Variants in SLC49A3 observed in about 807,000 individuals in gnomAD.
The protein encoded by SLC49A3 is solute carrier family 49 member A3.
SLC49A3 carries 50 observed loss-of-function variants against 43.8 expected under a neutral mutation model. That is an observed-to-expected ratio of 1.14 (90% CI 0.91 to 1.45). The LOEUF is 1.45. Ranked by LOEUF, SLC49A3 falls within the 40% of genes most tolerant of loss-of-function variation. The probability of loss-of-function intolerance (pLI) is 0.00; values close to 1 mark genes in which losing one functional copy is unlikely to be tolerated. For missense variants in SLC49A3, 906 were observed against 774.1 expected (o/e 1.17, Z -2.02); for synonymous variants, 413 against 352.0 (o/e 1.17, Z -1.94).
chr4:677,824 G>A, downstream of SLC49A3: 2 of 785,186 alleles, frequency 2.5e-6, no homozygotes, highest in Non-Finnish European at 4.3e-6. Context: ...GGGCCTTGCG[G>A]GGTGAGGCAG....
rs369486914 is a variant in SLC49A3, at chr4:683,822, G to A, written c.841-61C>T. ...GCCACCATTATCCTAGGTGCATGCC[G>A]TCAGGGCAGGGGGCTCAGTGTAGGG... On this transcript the variant is annotated intron_variant, in intron 6 of 9. Coordinates refer to ENST00000322224, the MANE Select transcript of SLC49A3 (RefSeq NM_032219.4). 1.9e-3 allele frequency: 2,864 copies of A among 1,513,466 alleles called. 74 individuals carry two copies. In the South Asian group the frequency reaches 0.034, roughly 18 times the overall value. The allele number at this position is 1,513,466 out of a possible 1,614,324, so 93.8% of individuals were successfully genotyped here.
At chr4:678,335 C>T (rs1033416032), downstream of SLC49A3, 1 of 1,417,998 alleles carries the variant, frequency 7.1e-7, no homozygotes, top group Admixed American at 2.8e-5. Context: ...CAAGCCCACC[C>T]AGAGTCCACT....
At position 683,350 on chromosome 4, in the gene SLC49A3, T is replaced by A. The variant is rs1045271610; in HGVS notation, c.1011A>T (p.Gly337=). Residue 337 remains glycine (G), a synonymous_variant, in exon 8 of 10, where the codon GGA becomes GGT. Coordinates refer to ENST00000322224, the MANE Select transcript of SLC49A3 (RefSeq NM_032219.4). ...VPFALVSQLQ[G]QTLALAATCS... Reference sequence around the variant, plus strand: ...AGGTGGCAGCCAGGGCAAGGGTCTGTCCCTGCAGCTGGGACACCTGGGAGC... The same window carrying A: ...AGGTGGCAGCCAGGGCAAGGGTCTGACCCTGCAGCTGGGACACCTGGGAGC... 7.5e-6 allele frequency: 12 copies of A among 1,609,344 alleles called. No homozygotes were observed. Among genetic ancestry groups the A allele is most frequent in the Non-Finnish European group, 9.3e-6 (11 of 1,178,772 alleles).
chr4:682,085 G>A lies in SLC49A3; in HGVS notation c.1553C>T (p.Ala518Val), dbSNP rs759156680. 5 of 1,397,226 alleles carry A rather than the reference G, an allele frequency of 3.6e-6. No individual in the cohort carries two copies. Among genetic ancestry groups the A allele is most frequent in the Admixed American group, 5.6e-5 (2 of 35,476 alleles). The allele number at this position is 1,397,226 out of a possible 1,614,324, so 86.6% of individuals were successfully genotyped here. ...CGCGTCGGTGGCTGCTGGGCCTTGC[G>A]CACGGGGAGTCGCTCGGTGGCAGGC... is the stretch of plus-strand genomic sequence containing the variant. ...HPACHRATPR[A>V]QGPAATDAPS... Residue 518 changes from alanine to valine, a missense_variant, in exon 10 of 10, where the codon GCG becomes GTG. Transcript: ENST00000322224.
At chr4:677,062 G>T, downstream of SLC49A3, 1 of 346,674 alleles carries the variant, frequency 2.9e-6, no homozygotes, top group South Asian at 1.2e-4. Flanking sequence ...CCCACCTGCT[G>T]TTGTGGCTGC....
chr4:688,122 C>G (rs1171401268), intron 1 of SLC49A3: 1 of 152,458 alleles, frequency 6.6e-6, no homozygotes, highest in African/African-American at 2.4e-5. Context: ...CCACCCAAAG[C>G]CAGTTATGGC....
At chr4:680,652 A>C, downstream of SLC49A3, 2 of 1,518,874 alleles carry the variant, frequency 1.3e-6, no homozygotes, top group Admixed American at 1.8e-5. Flanking sequence ...ATCCTGTCCC[A>C]AAAGGGACAG....
In SLC49A3 at chr4:683,213, A is replaced by C; in HGVS notation, c.1148T>G (p.Leu383Arg). 1 of 1,612,758 alleles carries C rather than the reference A, an allele frequency of 6.2e-7. No homozygotes were observed. Residue 383 changes from leucine to arginine, a missense_variant, in exon 8 of 10, where the codon CTG (leucine) becomes CGG (arginine). Transcript: ENST00000322224. ...EGAATGMIFV[L>R]GQAEGILIML... ...GCAGGGGCAGATGGACACTCACCCC[A>C]GCACAAAGATCATGCCTGTGGCAGC...
At position 681,960 on chromosome 4, in the gene SLC49A3, AC is replaced by A. The variant is rs764986838; in HGVS notation, c.1677del (p.Ter560SerfsTer2). 2 of 1,370,056 alleles carry A rather than the reference AC, an allele frequency of 1.5e-6. No homozygotes were observed. The highest frequency in any genetic ancestry group is 3.0e-5 in the African/African-American group (2 of 66,666). 84.9% of individuals were successfully genotyped at this position (1,370,056 alleles called of 1,614,324 possible). ...AACCTGGACTACAAGGCGCTCAGCT[AC>A]GTGATCACCCACGGGGAGGAGAAGG... ...HSSFSSPWVIT is the reference protein window; with the variant it reads ...HSSFSSPWVIX On this transcript the variant is annotated frameshift_variant, in exon 10 of 10. Transcript: ENST00000322224. LOFTEE classifies it high-confidence loss of function.
downstream of SLC49A3, among the ~76,000 whole-genome samples, chr4:677,497 G>A (rs544018125): frequency 2.6e-4 from 39 of 152,316 alleles, no homozygotes; most frequent in African/African-American, 7.7e-4. Flanking sequence ...GAGGTCAGAC[G>A]GGGTGGTCCC....
downstream of SLC49A3, chr4:681,264 C>A (rs1431845227): frequency 8.5e-6 from 10 of 1,170,680 alleles, no homozygotes; most frequent in African/African-American, 1.5e-5. Flanking sequence ...ACAGAACAGG[C>A]CCCCGGGGGG....
At chr4:686,456 G>A in intron 2 of SLC49A3, 76 bp downstream of exon 2, 1 of 1,570,228 alleles carries the variant, frequency 6.4e-7, no homozygotes, top group Non-Finnish European at 8.6e-7. Flanking sequence ...GGTCTGGGGA[G>A]GCCTTGACTC....
upstream of SLC49A3, among the ~76,000 whole-genome samples, chr4:691,294 A>AG (rs1577381225): frequency 6.8e-6 from 1 of 147,930 alleles, no homozygotes; most frequent in East Asian, 2.0e-4. Flanking sequence ...AAAAAAAAAA[A>AG]AAAAAATTAC....
At chr4:678,213 G>C (rs1051665799), downstream of SLC49A3, 6 of 1,506,460 alleles carry the variant, frequency 4.0e-6, no homozygotes, top group Non-Finnish European at 5.3e-6. Flanking sequence ...TGACCTTGCG[G>C]GTGTGGGCTG....
downstream of SLC49A3, among the ~76,000 whole-genome samples, chr4:681,625 G>T (rs546064245): frequency 0.45 from 6,725 of 14,980 alleles, 533 homozygotes; most frequent in Middle Eastern, 0.5. Context: ...GCGCCGCCCC[G>T]CCCCCTCCAG....
downstream of SLC49A3, among the ~76,000 whole-genome samples, chr4:681,394 C>G (rs1409200068): frequency 6.6e-6 from 1 of 152,086 alleles, no homozygotes; most frequent in Non-Finnish European, 1.5e-5. Context: ...AGCGTCTGTC[C>G]CAGCCGGAGG....
chr4:682,444 C>A, intron 9 of SLC49A3, 68 bp from the exon 10 acceptor site: 1 of 1,291,578 alleles, frequency 7.7e-7, no homozygotes, highest in Non-Finnish European at 9.9e-7. Flanking sequence ...GAGCCCAATG[C>A]TGGCCTATGG....
downstream of SLC49A3, chr4:680,606 AGGGCGGCCC>A (rs755997451): frequency 4.0e-5 from 65 of 1,610,404 alleles, no homozygotes; most frequent in Non-Finnish European, 5.2e-5. Context: ...CCGGGCGGCC[AGGGCGGCCC>A]GGCTTCCGGG....
Position 682,355 on chromosome 4 carries a change from C to A in SLC49A3, c.1283G>T (p.Gly428Val). ...GATGCAGCTGAAGAAGGTGCACAGGCCGGCCATCAGCAGCAGAGACACTGG... is the reference window on the plus strand; with the variant it reads ...GATGCAGCTGAAGAAGGTGCACAGGACGGCCATCAGCAGCAGAGACACTGG... ...DWTVSLLLMAGLCTFFSCILA... is the reference protein window; with the variant it reads ...DWTVSLLLMAVLCTFFSCILA... Residue 428 changes from glycine (G) to valine (V), a missense_variant, in exon 10 of 10, where the codon GGC (glycine) becomes GTC (valine). By Grantham distance (109) the Gly-to-Val change is moderately radical. Coordinates refer to ENST00000322224, the MANE Select transcript of SLC49A3 (RefSeq NM_032219.4). 1 of 1,341,760 alleles carries A rather than the reference C, an allele frequency of 7.5e-7. No homozygotes were observed. Among genetic ancestry groups the A allele is most frequent in the Non-Finnish European group, 9.6e-7 (1 of 1,036,738 alleles). 83.1% of individuals were successfully genotyped at this position (1,341,760 alleles called of 1,614,324 possible).
Sources: allele counts gnomAD v4.1 joint callset (sites outside exome capture counted in the v4.1 genomes callset), GRCh38; gene constraint gnomAD v4.1.1; transcripts MANE v1.5; gene names NCBI Gene and HGNC (gene_info 2026-07-23, HGNC 2026-07-21).